The following PCDHGB5 variants were observed in gnomAD, a reference collection of about 807,000 sequenced individuals.
PCDHGB5 encodes protocadherin gamma-B5.
PCDHGB5 carries 48 observed loss-of-function variants against 62.9 expected under a neutral mutation model. That is an observed-to-expected ratio of 0.76 (90% CI 0.61 to 0.97). The LOEUF is 0.97. PCDHGB5 is among the 50% of genes least tolerant of loss of function. The pLI, the probability that PCDHGB5 is intolerant of heterozygous loss-of-function variation, is 0.00. For synonymous variants in PCDHGB5, 474 were observed against 511.2 expected (o/e 0.93, Z 0.98); for missense variants, 1,118 against 1,198.6 (o/e 0.93, Z 0.99).
rs752660538 is a variant in PCDHGB5 at position 141,486,495 on chromosome 5, T to C, written c.2398-8312T>C. 1 of 1,614,074 alleles carries C rather than the reference T, an allele frequency of 6.2e-7. No individual in the cohort carries two copies. The highest frequency in any genetic ancestry group is 8.5e-7 in the Non-Finnish European group (1 of 1,179,922). On this transcript the variant is annotated intron_variant, in intron 1 of 3. Transcript: ENST00000617380. The surrounding 1 kb of genome is among the most constrained non-coding windows in gnomAD (Gnocchi z 5.0). ...CCTCCTCTCAGTACCCACAGAACTA[T>C]TTTCCTCAATATTTCAGATGTGAAT...
rs1187459113 is a variant in PCDHGB5 at position 141,487,187 on chromosome 5, G to A, written c.2398-7620G>A. On this transcript the variant is annotated intron_variant, in intron 1 of 3. Coordinates refer to ENST00000617380, the MANE Select transcript of PCDHGB5 (RefSeq NM_018925.3). This position sits in a 1 kb window ranked among gnomAD's most constrained non-coding sequence, Gnocchi z 5.0. The stretch of plus-strand genomic sequence containing the variant: ...GTCCTTAGAGGAAGACACTCATCCA[G>A]TTGTCCCAGATCTTCGAGAATCTTC... 1.2e-6 allele frequency: 2 copies of A among 1,613,826 alleles called. No homozygotes were observed. Among genetic ancestry groups the A allele is most frequent in the Admixed American group, 3.3e-5 (2 of 60,024 alleles).
At position 141,400,044 on chromosome 5, in the gene PCDHGB5, G is replaced by T; in HGVS notation, c.1917G>T (p.Leu639=). The change falls in exon 1 of 4, where the codon CTG becomes CTT. Residue 639 remains leucine (L), a synonymous_variant. Transcript: ENST00000617380. ...GGGACGCGGCCCGCCAGCGCCTGCTGGTTGCTGTGCGTGATGGTGGACAGC... is the reference window on the plus strand; with the variant it reads ...GGGACGCGGCCCGCCAGCGCCTGCTTGTTGCTGTGCGTGATGGTGGACAGC... ...GDRDAARQRL[L]VAVRDGGQPP... is the part of the protein sequence containing the mutation. 2 of 1,613,672 alleles carry T rather than the reference G, an allele frequency of 1.2e-6. No homozygotes were observed. The highest frequency in any genetic ancestry group is 1.7e-6 in the Non-Finnish European group (2 of 1,179,826).
intron 1 of PCDHGB5, chr5:141,471,515 T>C (rs931181988): frequency 2.6e-5 from 4 of 152,276 alleles, no homozygotes; most frequent in African/African-American, 9.6e-5. Context: ...GGAGTAAAAA[T>C]AACAGCGAGG....
chr5:141,452,133 A>C (rs2098734490), intron 1 of PCDHGB5, among the ~76,000 whole-genome samples: 1 of 152,136 alleles, frequency 6.6e-6, no homozygotes, highest in Admixed American at 6.5e-5. Flanking sequence ...TATATGGCTC[A>C]TGTGTTTTTT....
intron 1 of PCDHGB5, among the ~76,000 whole-genome samples, chr5:141,438,325 A>C (rs1400796518): frequency 6.6e-6 from 1 of 151,948 alleles, no homozygotes; most frequent in African/African-American, 2.4e-5. Context: ...AATTTTTCTT[A>C]TACATGTCAT....
intron 1 of PCDHGB5, chr5:141,404,553 C>T: frequency 6.2e-7 from 1 of 1,613,766 alleles, no homozygotes; most frequent in Non-Finnish European, 8.5e-7. Context: ...CAGGTGACGG[C>T]AAGTGACAGT....
chr5:141,401,836 A>G (rs1400731084), intron 1 of PCDHGB5, among the ~76,000 whole-genome samples: 3 of 152,204 alleles, frequency 2.0e-5, no homozygotes, highest in Admixed American at 1.3e-4. Flanking sequence ...GATTTCTTAT[A>G]ATACCACTTA....
chr5:141,487,452 T>A lies in PCDHGB5; in HGVS notation c.2398-7355T>A, dbSNP rs778695562. 40 of 1,614,046 alleles carry A rather than the reference T, an allele frequency of 2.5e-5. No homozygotes were observed. The highest frequency in any genetic ancestry group is 3.4e-5 in the Non-Finnish European group (40 of 1,180,004). On this transcript the variant is annotated intron_variant, in intron 1 of 3. Coordinates refer to ENST00000617380, the MANE Select transcript of PCDHGB5 (RefSeq NM_018925.3). This position sits in a 1 kb window ranked among gnomAD's most constrained non-coding sequence, Gnocchi z 5.0. ...ATCCAGCTAGGGTCAGATGACCCTA[T>A]CAAGTTTGTTGATGTGGGAGGCCAC... is the stretch of plus-strand genomic sequence containing the variant.
intron 1 of PCDHGB5, among the ~76,000 whole-genome samples, chr5:141,451,106 G>A (rs1204327490): frequency 1.3e-5 from 2 of 152,164 alleles, no homozygotes; most frequent in African/African-American, 4.8e-5. Context: ...GGGATTACAG[G>A]CGTGAGCCAC....
In PCDHGB5 at chr5:141,489,153, G is replaced by A; in HGVS notation, c.2398-5654G>A. The A allele has an allele frequency of 1.1e-6, 1 of 935,832 alleles. No homozygotes were observed. The highest frequency in any genetic ancestry group is 1.6e-6 in the Non-Finnish European group (1 of 627,178). 58.0% of individuals were successfully genotyped at this position (935,832 alleles called of 1,614,324 possible). A position where few individuals can be genotyped will look rare whatever the true frequency, so the allele number is the denominator to read the frequency against. ...TTTAAGAGGCTGGAAGGAGACATAA[G>A]AGACTTCAGCTGCTGCATTCCAAGC... On this transcript the variant is annotated intron_variant, in intron 1 of 3. Coordinates refer to ENST00000617380, the MANE Select transcript of PCDHGB5 (RefSeq NM_018925.3). This position sits in a 1 kb window ranked among gnomAD's most constrained non-coding sequence, Gnocchi z 4.5.
chr5:141,421,078 C>T (rs11575964), intron 1 of PCDHGB5: 20,754 of 627,892 alleles, frequency 0.033, 387 homozygotes, highest in Middle Eastern at 0.088. Context: ...GAGATGGATA[C>T]TCACAGATCC....
chr5:141,481,179 T>C (rs115525079), intron 1 of PCDHGB5, among the ~76,000 whole-genome samples: 16 of 152,358 alleles, frequency 1.1e-4, no homozygotes, highest in African/African-American at 3.6e-4. Flanking sequence ...TCCAGCTTTA[T>C]TGGGCCAGGC....
intron 1 of PCDHGB5, among the ~76,000 whole-genome samples, chr5:141,474,096 CAACAAA>C (rs1262341033): frequency 1.3e-5 from 2 of 152,078 alleles, no homozygotes; most frequent in African/African-American, 4.8e-5. Context: ...AAACAAACAA[CAACAAA>C]AACAACAACA....
intron 1 of PCDHGB5, chr5:141,403,515 G>A: frequency 6.2e-7 from 1 of 1,614,024 alleles, no homozygotes; most frequent in Non-Finnish European, 8.5e-7. Context: ...GGAGACAATG[G>A]AGCCATAAAC....
chr5:141,442,414 ACTT>A (rs1258523193), intron 1 of PCDHGB5: 2 of 152,190 alleles, frequency 1.3e-5, no homozygotes, highest in Non-Finnish European at 2.9e-5. Flanking sequence ...GGCTGAGTGA[ACTT>A]CTTTTTTGAA....
intron 1 of PCDHGB5, chr5:141,413,709 C>T (rs998398149): frequency 2.4e-5 from 39 of 1,613,536 alleles, no homozygotes; most frequent in Non-Finnish European, 3.3e-5. Flanking sequence ...AGCTCAGCCC[C>T]AATAAGCACT....
chr5:141,466,947 A>C (rs2099132734), intron 1 of PCDHGB5, among the ~76,000 whole-genome samples: 1 of 152,126 alleles, frequency 6.6e-6, no homozygotes, highest in South Asian at 2.1e-4. Context: ...TGTCCAGTAA[A>C]CAGACTGCAA....
At chr5:141,438,739 G>A (rs1264194876) in intron 1 of PCDHGB5, among the ~76,000 whole-genome samples, 1 of 149,040 alleles carries the variant, frequency 6.7e-6, no homozygotes, top group African/African-American at 2.5e-5. Context: ...TCAGCTCACT[G>A]CAACCTCTGC....
At chr5:141,420,432 T>C in intron 1 of PCDHGB5, 2 of 1,149,120 alleles carry the variant, frequency 1.7e-6, no homozygotes, top group Non-Finnish European at 2.3e-6. Flanking sequence ...AAAGTTTAAA[T>C]TAAATGCCTC....
Sources: gnomAD v4.1 joint callset for allele counts (sites outside exome capture counted in the v4.1 genomes callset) on GRCh38, gnomAD v4.1.1 for gene constraint, Gnocchi (gnomAD v3.1) non-coding constraint, MANE v1.5 for transcripts, NCBI Gene and HGNC (gene_info 2026-07-23, HGNC 2026-07-21) for gene names.